The following TRAPPC9 variants were observed in gnomAD, a reference collection of about 807,000 sequenced individuals.
The protein encoded by TRAPPC9 is trafficking protein particle complex subunit 9, also known as IKK2 binding protein.
A neutral mutation model predicts 124.0 loss-of-function variants in TRAPPC9; 83 were observed. That is an observed-to-expected ratio of 0.67 (90% CI 0.56 to 0.80). The LOEUF (loss-of-function observed/expected upper bound fraction) is 0.80, where lower values mean the gene tolerates loss of function less well. TRAPPC9 is among the 30% of genes least tolerant of loss of function. The probability of loss-of-function intolerance (pLI) is 0.00; values close to 1 mark genes in which losing one functional copy is unlikely to be tolerated. For missense variants in TRAPPC9, 1,302 were observed against 1,508.3 expected (o/e 0.86, Z 2.27); for synonymous variants, 638 against 617.5 (o/e 1.03, Z -0.49).
intron 17 of TRAPPC9, among the ~76,000 whole-genome samples, chr8:140,137,857 A>G (rs1249530286): frequency 3.3e-5 from 5 of 152,216 alleles, no homozygotes; most frequent in Admixed American, 3.3e-4. Flanking sequence ...ACCATATACG[A>G]TTATAATTTT....
At chr8:140,299,763 C>T (rs112531205) in intron 11 of TRAPPC9, among the ~76,000 whole-genome samples, 5,077 of 152,254 alleles carry the variant, frequency 0.033, 283 homozygotes, top group African/African-American at 0.11. Context: ...GCATGCTGAG[C>T]CCTGGTGCAG....
chr8:140,424,179 A>G (rs1462095139), intron 5 of TRAPPC9, among the ~76,000 whole-genome samples: 1 of 152,086 alleles, frequency 6.6e-6, no homozygotes, highest in Non-Finnish European at 1.5e-5. Context: ...AGCACCTTAG[A>G]ACAGTGTCTC....
At chr8:139,976,683 T>C (rs1836499894) in intron 19 of TRAPPC9, among the ~76,000 whole-genome samples, 1 of 152,058 alleles carries the variant, frequency 6.6e-6, no homozygotes, top group African/African-American at 2.4e-5. Context: ...GAGAGGTAAA[T>C]GAAAACCACA....
intron 15 of TRAPPC9, among the ~76,000 whole-genome samples, chr8:140,256,253 C>T (rs939335333): frequency 2.0e-5 from 3 of 152,270 alleles, no homozygotes; most frequent in African/African-American, 4.8e-5. Context: ...ATCCTTTAGA[C>T]GGTAAGTCAC....
intron 18 of TRAPPC9, among the ~76,000 whole-genome samples, chr8:140,018,324 A>ATTTTTTATTTTTT (rs765656679): frequency 8.3e-6 from 1 of 119,786 alleles, no homozygotes. Context: ...AACGTAAGTG[A>ATTTTTTATTTTTT]TTTTTTTTTT....
intron 19 of TRAPPC9, among the ~76,000 whole-genome samples, chr8:139,978,555 G>A (rs1036098412): frequency 6.6e-6 from 1 of 152,234 alleles, no homozygotes; most frequent in Non-Finnish European, 1.5e-5. Flanking sequence ...GAAATAGGTA[G>A]GGATAACAGA....
At chr8:140,016,357 G>A (rs1170795800) in intron 18 of TRAPPC9, among the ~76,000 whole-genome samples, 1 of 152,130 alleles carries the variant, frequency 6.6e-6, no homozygotes, top group Non-Finnish European at 1.5e-5. Context: ...TGAGGACTTT[G>A]CTAGGGTGAG....
At chr8:139,731,357 C>T (rs899122219) in intron 22 of TRAPPC9, 129 bp from the exon 23 acceptor site, 8 of 1,061,290 alleles carry the variant, frequency 7.5e-6, no homozygotes, top group Non-Finnish European at 1.1e-5. Context: ...GGCCTGGCTC[C>T]AGTGCCCCCT....
chr8:139,962,340 A>T (rs899613801), intron 19 of TRAPPC9, among the ~76,000 whole-genome samples: 3,282 of 125,064 alleles, frequency 0.026, 531 homozygotes, highest in African/African-American at 0.079. Flanking sequence ...AATAGCTATT[A>T]TAACACATCA....
intron 17 of TRAPPC9, among the ~76,000 whole-genome samples, chr8:140,152,904 T>C (rs944635190): frequency 6.6e-6 from 1 of 152,238 alleles, no homozygotes; most frequent in African/African-American, 2.4e-5. Context: ...ATTACCTTTT[T>C]GCACAATGTT....
intron 17 of TRAPPC9, chr8:140,096,183 G>A (rs925269078): frequency 1.3e-5 from 2 of 152,216 alleles, no homozygotes; most frequent in African/African-American, 4.8e-5. Flanking sequence ...TAAATTAGCA[G>A]TGTGCCCACA....
intron 18 of TRAPPC9, among the ~76,000 whole-genome samples, chr8:140,010,136 T>C (rs1481310213): frequency 6.6e-6 from 1 of 152,240 alleles, no homozygotes; most frequent in Non-Finnish European, 1.5e-5. Flanking sequence ...AAATTTAATT[T>C]TTAACAGTTT....
intron 8 of TRAPPC9, among the ~76,000 whole-genome samples, chr8:140,361,790 C>T (rs749032419): frequency 6.6e-6 from 1 of 152,076 alleles, no homozygotes; most frequent in Non-Finnish European, 1.5e-5. Flanking sequence ...GAAGACTGTG[C>T]GTTACTTACT....
rs1442863537 is a variant in TRAPPC9, at chr8:140,125,584, A to ATT, written c.2556+95873_2556+95874dup. ...TAGGCATGTTCATTTATCGAATCTC[A>ATT]TTCTTTTTTTTTTTTTTTTTTTTTT... is the stretch of plus-strand genomic sequence containing the variant. On this transcript the variant is annotated intron_variant, in intron 17 of 22. Coordinates refer to ENST00000438773, the MANE Select transcript of TRAPPC9 (RefSeq NM_001160372.4). 2.1e-3 allele frequency among the ~76,000 whole-genome samples: 231 copies of ATT among 108,234 alleles called. 5 individuals are homozygous for ATT. The highest frequency in any genetic ancestry group is 8.5e-3 in the African/African-American group (220 of 25,786). 71.0% of individuals were successfully genotyped at this position (108,234 alleles called of 152,430 possible).
At chr8:140,298,312 G>T (rs541444999) in intron 11 of TRAPPC9, among the ~76,000 whole-genome samples, 237 of 152,286 alleles carry the variant, frequency 1.6e-3, no homozygotes, top group African/African-American at 5.0e-3. Context: ...GACCCTTACA[G>T]AAGCTAAGAA....
chr8:140,424,684 G>T (rs1447430150), intron 5 of TRAPPC9, among the ~76,000 whole-genome samples: 1 of 149,366 alleles, frequency 6.7e-6, no homozygotes, highest in East Asian at 2.0e-4. Flanking sequence ...AAAAACACAA[G>T]AAAAAAGAGT....
chr8:139,814,959 T>C (rs539558805), intron 21 of TRAPPC9, among the ~76,000 whole-genome samples: 23 of 152,276 alleles, frequency 1.5e-4, no homozygotes, highest in Middle Eastern at 6.8e-3. Flanking sequence ...AGCAGGGCCA[T>C]TGATGTCACA....
chr8:140,037,146 T>C (rs1840947550), intron 17 of TRAPPC9, among the ~76,000 whole-genome samples: 1 of 152,128 alleles, frequency 6.6e-6, no homozygotes, highest in South Asian at 2.1e-4. Context: ...AAATAGTTAA[T>C]AGCACCCACT....
chr8:139,749,429 A>C (rs1819167097), intron 21 of TRAPPC9, among the ~76,000 whole-genome samples: 1 of 152,198 alleles, frequency 6.6e-6, no homozygotes. Flanking sequence ...CCATTGTCAC[A>C]TGAGAGCAAT....
Sources: gnomAD v4.1 joint callset for allele counts (sites outside exome capture counted in the v4.1 genomes callset) on GRCh38, gnomAD v4.1.1 for gene constraint, MANE v1.5 for transcripts, NCBI Gene and HGNC (gene_info 2026-07-23, HGNC 2026-07-21) for gene names.